The following CNTN5 variants were observed in gnomAD, a reference collection of about 807,000 sequenced individuals.
CNTN5 encodes the protein contactin 5.
Under a neutral mutation model 129.1 loss-of-function variants are expected in CNTN5, and 77 were observed. That is an observed-to-expected ratio of 0.60 (90% CI 0.50 to 0.72). The LOEUF (loss-of-function observed/expected upper bound fraction) is 0.72, where lower values mean the gene tolerates loss of function less well. CNTN5 is among the 30% of genes least tolerant of loss of function. The pLI is 0.00. For missense variants in CNTN5, 1,478 were observed against 1,328.8 expected, an observed-to-expected ratio of 1.11 and a Z score of -1.75; for synonymous variants, 509 against 465.6, an observed-to-expected ratio of 1.09 and a Z score of -1.20.
chr11:99,791,970 T>G (rs1484904576), intron 3 of CNTN5, among the ~76,000 whole-genome samples: 2 of 152,200 alleles, frequency 1.3e-5, no homozygotes, highest in Non-Finnish European at 2.9e-5. Context: ...CCTGAAACTT[T>G]GCTAACATTG....
intron 8 of CNTN5, among the ~76,000 whole-genome samples, chr11:99,961,022 G>T (rs1428863451): frequency 6.6e-6 from 1 of 151,842 alleles, no homozygotes; most frequent in Admixed American, 6.6e-5. Flanking sequence ...AACCAACATG[G>T]AGAAAACCTG....
At chr11:100,156,727 A>T (rs1947255983) in intron 13 of CNTN5, among the ~76,000 whole-genome samples, 1 of 152,018 alleles carries the variant, frequency 6.6e-6, no homozygotes, top group Non-Finnish European at 1.5e-5. Flanking sequence ...GGGAGGGTGT[A>T]TGTGCCCAGA....
intron 9 of CNTN5, chr11:100,004,037 ACCATT>A (rs1940043097): frequency 6.6e-6 from 1 of 151,794 alleles, no homozygotes; most frequent in East Asian, 1.9e-4. Flanking sequence ...GGTGTGGATC[ACCATT>A]TCATCCCAAC....
chr11:100,256,035 T>C (rs1344324095), intron 17 of CNTN5, 117 bp downstream of exon 17: 9 of 891,972 alleles, frequency 1.0e-5, no homozygotes, highest in Non-Finnish European at 1.5e-5. Flanking sequence ...TTGTTATTTC[T>C]TACAATATTG....
chr11:99,637,552 G>C (rs1951607567), intron 3 of CNTN5, among the ~76,000 whole-genome samples: 2 of 151,838 alleles, frequency 1.3e-5, no homozygotes, highest in Admixed American at 6.6e-5. Context: ...TACATATAGG[G>C]GTTACTGAAA....
chr11:100,074,058 GAAAAAGTTAC>G, intron 12 of CNTN5, 76 bp from the exon 13 acceptor site: 1 of 1,296,194 alleles, frequency 7.7e-7, no homozygotes, highest in South Asian at 1.5e-5. Flanking sequence ...CCTCCCAGAA[GAAAAAGTTAC>G]AAGATCTTCA....
At chr11:100,097,263 TAC>T in intron 13 of CNTN5, among the ~76,000 whole-genome samples, 1 of 152,226 alleles carries the variant, frequency 6.6e-6, no homozygotes, top group South Asian at 2.1e-4. Context: ...TTCCTCATTT[TAC>T]AGATAATAAA....
At chr11:100,346,990 T>C (rs1428554472) in intron 23 of CNTN5, among the ~76,000 whole-genome samples, 1 of 152,066 alleles carries the variant, frequency 6.6e-6, no homozygotes, top group Non-Finnish European at 1.5e-5. Context: ...TGAGACTTAC[T>C]CACTATCATG....
chr11:99,341,164 A>C (rs1361698313), intron 2 of CNTN5, among the ~76,000 whole-genome samples: 1 of 152,182 alleles, frequency 6.6e-6, no homozygotes, highest in Non-Finnish European at 1.5e-5. Context: ...AGGCTTCTCT[A>C]TGAAAGTATG....
At chr11:100,056,621 A>G (rs564635008) in intron 9 of CNTN5, among the ~76,000 whole-genome samples, 4 of 151,548 alleles carry the variant, frequency 2.6e-5, no homozygotes, top group African/African-American at 9.7e-5. Context: ...TCAAAACACA[A>G]AATAAAACTT....
intron 2 of CNTN5, among the ~76,000 whole-genome samples, chr11:99,381,782 G>T (rs1434992349): frequency 6.6e-6 from 1 of 152,024 alleles, no homozygotes. Flanking sequence ...TAGCTTTAGG[G>T]CAGTGGTTCT....
At chr11:99,860,042 T>A (rs1202105056) in intron 6 of CNTN5, among the ~76,000 whole-genome samples, 2 of 152,202 alleles carry the variant, frequency 1.3e-5, no homozygotes, top group Non-Finnish European at 2.9e-5. Context: ...CCATTCTGAC[T>A]GGTGTGAGAT....
chr11:99,895,663 G>A (rs1411929858), intron 6 of CNTN5, among the ~76,000 whole-genome samples: 1 of 152,044 alleles, frequency 6.6e-6, no homozygotes, highest in Non-Finnish European at 1.5e-5. Context: ...AAGAGTGAGT[G>A]AGTAAGAGTC....
intron 9 of CNTN5, among the ~76,000 whole-genome samples, chr11:100,008,800 T>G (rs539768422): frequency 8.5e-5 from 13 of 152,092 alleles, no homozygotes; most frequent in Non-Finnish European, 1.8e-4. Context: ...GCCCTTGACA[T>G]GATCTAATGA....
intron 1 of CNTN5, among the ~76,000 whole-genome samples, chr11:99,131,983 T>C (rs1214044581): frequency 1.3e-5 from 2 of 152,142 alleles, no homozygotes; most frequent in African/African-American, 2.4e-5. Flanking sequence ...CTGATGAACA[T>C]TTATGCAAAA....
At chr11:100,151,598 T>C (rs1386337062) in intron 13 of CNTN5, among the ~76,000 whole-genome samples, 1 of 152,174 alleles carries the variant, frequency 6.6e-6, no homozygotes, top group Non-Finnish European at 1.5e-5. Flanking sequence ...CCTACGTTAA[T>C]TTGAACAGAT....
At chr11:99,989,478 A>G (rs1327629101) in intron 8 of CNTN5, among the ~76,000 whole-genome samples, 1 of 151,436 alleles carries the variant, frequency 6.6e-6, no homozygotes, top group Non-Finnish European at 1.5e-5. Context: ...TTTTCTAATT[A>G]TTCAAAAGGC....
At position 99,978,765 on chromosome 11, in the gene CNTN5, C is replaced by T. The variant is rs76432634; in HGVS notation, c.877+21756C>T. Among the ~76,000 whole-genome samples, 397 of 152,200 alleles carry T rather than the reference C, an allele frequency of 2.6e-3. 3 individuals carry two copies. Among genetic ancestry groups the T allele is most frequent in the African/African-American group, 8.8e-3 (366 of 41,516 alleles). On this transcript the variant is annotated intron_variant, in intron 8 of 24. Transcript: ENST00000524871. ...CGCATTAATCCTCATCACTAAGTGA[C>T]GCATGACTGCTTATTTTATGACATT...
At chr11:99,904,330 C>A (rs537280775) in intron 6 of CNTN5, among the ~76,000 whole-genome samples, 2 of 151,980 alleles carry the variant, frequency 1.3e-5, no homozygotes, top group Non-Finnish European at 2.9e-5. Flanking sequence ...TGTGATGTTC[C>A]CCTCCCCGTG....
Sources: allele counts gnomAD v4.1 joint callset (sites outside exome capture counted in the v4.1 genomes callset), GRCh38; gene constraint gnomAD v4.1.1; transcripts MANE v1.5; gene names NCBI Gene and HGNC (gene_info 2026-07-23, HGNC 2026-07-21).